RIC3: variants seen among roughly 807,000 people sequenced by gnomAD.
The protein encoded by RIC3 is RIC3 acetylcholine receptor chaperone, also known as protein RIC-3.
In RIC3, 28 loss-of-function variants were observed where a neutral mutation model predicts 27.3. The ratio of observed to expected loss-of-function variants is 1.02; its 90% CI spans 0.76 to 1.41. The LOEUF (loss-of-function observed/expected upper bound fraction) is 1.41. Ranked by LOEUF, RIC3 falls within the 40% of genes most tolerant of loss-of-function variation. RIC3 has a pLI of 0.00. For missense variants in RIC3, 501 were observed against 444.7 expected, an observed-to-expected ratio of 1.13 and a Z score of -1.14; for synonymous variants, 184 against 160.4, an observed-to-expected ratio of 1.15 and a Z score of -1.11.
the RIC3 span, among the ~76,000 whole-genome samples, chr11:8,098,213 G>A: frequency 3.9e-5 from 6 of 152,072 alleles, no homozygotes; most frequent in Non-Finnish European, 8.8e-5. Flanking sequence ...GGGGTGGGGG[G>A]CAGTGGTGAA....
chr11:8,094,037 C>G, the RIC3 span: 1 of 1,614,134 alleles, frequency 6.2e-7, no homozygotes. Flanking sequence ...GGGGATGTTT[C>G]CTGAGCAGTT....
downstream of RIC3, chr11:8,104,399 G>T (rs1338843011): frequency 3.3e-5 from 5 of 152,232 alleles, no homozygotes; most frequent in Admixed American, 6.5e-5. Flanking sequence ...TTTCCTTCTG[G>T]CTCCAAGGTG....
At chr11:8,121,714 T>A (rs1485867661) in intron 5 of RIC3, among the ~76,000 whole-genome samples, 1 of 151,420 alleles carries the variant, frequency 6.6e-6, no homozygotes, top group Non-Finnish European at 1.5e-5. Context: ...AGCAAGCCTC[T>A]GTCTCAAAAA....
chr11:8,147,511 A>G, intron 1 of RIC3, among the ~76,000 whole-genome samples: 1 of 152,172 alleles, frequency 6.6e-6, no homozygotes, highest in East Asian at 1.9e-4. Context: ...TTCCCACAAG[A>G]GACAACCTTG....
chr11:8,131,539 C>T (rs1174014301), intron 4 of RIC3, among the ~76,000 whole-genome samples: 1 of 151,978 alleles, frequency 6.6e-6, no homozygotes, highest in Non-Finnish European at 1.5e-5. Flanking sequence ...ATATAGAGGT[C>T]AGGAAATGAA....
intron 4 of RIC3, 38 bp from the exon 5 acceptor site, chr11:8,126,845 A>T: frequency 6.2e-7 from 1 of 1,612,658 alleles, no homozygotes; most frequent in Non-Finnish European, 8.5e-7. Flanking sequence ...TTAGTGGTAA[A>T]TACTCCTAGG....
chr11:8,164,811 A>C (rs1251783724), intron 1 of RIC3, among the ~76,000 whole-genome samples: 1 of 148,902 alleles, frequency 6.7e-6, no homozygotes, highest in African/African-American at 2.5e-5. Flanking sequence ...AAAAAAAGAC[A>C]AGTAATCTGA....
At chr11:8,141,870 T>A (rs931938512) in intron 1 of RIC3, among the ~76,000 whole-genome samples, 26 of 151,780 alleles carry the variant, frequency 1.7e-4, no homozygotes, top group Admixed American at 1.6e-3. Context: ...GGATTAAGAA[T>A]CTCACTCAAA....
rs540151446 is a variant in RIC3, at chr11:8,163,078, C to T, written c.124+5788G>A. 2.6e-5 allele frequency among the ~76,000 whole-genome samples: 4 copies of T among 150,998 alleles called. No homozygotes were observed. The East Asian group carries it at 7.8e-4, about 29-fold the overall frequency. On this transcript the variant is annotated intron_variant, in intron 1 of 5. Coordinates refer to ENST00000309737, the MANE Select transcript of RIC3 (RefSeq NM_001206671.4). The stretch of plus-strand genomic sequence containing the variant: ...ACACACACACACACACCCCCCAAAA[C>T]ACTTTAAGAACTGCCTCCTCAATTT...
At chr11:8,099,054 T>C in the RIC3 span, among the ~76,000 whole-genome samples, 20,475 of 151,986 alleles carry the variant, frequency 0.13, 1,539 homozygotes, top group African/African-American at 0.18. Flanking sequence ...TCCTCCTGAC[T>C]TCAGAGCTCA....
chr11:8,101,047 C>G, the RIC3 span: 7 of 1,605,118 alleles, frequency 4.4e-6, 1 homozygote, highest in South Asian at 5.6e-5. Context: ...ACCCAAGGCC[C>G]TTAGCGTAGG....
downstream of RIC3, among the ~76,000 whole-genome samples, chr11:8,101,176 C>G (rs1944283505): frequency 6.6e-6 from 1 of 152,168 alleles, no homozygotes; most frequent in Non-Finnish European, 1.5e-5. Flanking sequence ...GAAGAACCTT[C>G]TTTGCAGCCC....
intron 4 of RIC3, among the ~76,000 whole-genome samples, chr11:8,131,572 C>G (rs1222553985): frequency 4.6e-5 from 7 of 152,046 alleles, no homozygotes; most frequent in Non-Finnish European, 1.0e-4. Context: ...TCATGATTTC[C>G]TCTTCTACCA....
In RIC3 at chr11:8,168,827, C is replaced by G. The variant is rs754585213; in HGVS notation, c.124+39G>C. ...CTCAAGCAGCGTTCTCCGTACTCTT[C>G]GGCGCCGGGAAGCTCAGAGGGAGCT... On this transcript the variant is annotated intron_variant, in intron 1 of 5. Coordinates refer to ENST00000309737, the MANE Select transcript of RIC3 (RefSeq NM_001206671.4). The G allele has an allele frequency of 3.8e-6, 6 of 1,594,572 alleles. No homozygotes were observed. The Admixed American group carries it at 1.0e-4, about 28-fold the overall frequency.
chr11:8,141,288 T>C (rs1307404351), intron 1 of RIC3, among the ~76,000 whole-genome samples: 2 of 151,704 alleles, frequency 1.3e-5, no homozygotes, highest in African/African-American at 2.4e-5. Flanking sequence ...GAAACCCATC[T>C]CACGTGCAGA....
intron 1 of RIC3, among the ~76,000 whole-genome samples, chr11:8,166,982 T>C (rs1951750147): frequency 1.3e-5 from 2 of 152,158 alleles, no homozygotes; most frequent in African/African-American, 4.8e-5. Context: ...ATAGCTTTTA[T>C]AAGATTCTCA....
At chr11:8,140,453 T>G (rs762783648) in intron 1 of RIC3, among the ~76,000 whole-genome samples, 8 of 152,210 alleles carry the variant, frequency 5.3e-5, no homozygotes, top group Non-Finnish European at 1.2e-4. Flanking sequence ...CAGTTAAATG[T>G]GGCCATATAA....
intron 5 of RIC3, among the ~76,000 whole-genome samples, chr11:8,123,653 T>C (rs897887442): frequency 6.6e-6 from 1 of 152,034 alleles, no homozygotes; most frequent in African/African-American, 2.4e-5. Flanking sequence ...CCTTGAAAGA[T>C]ACAAACTATC....
chr11:8,100,899 C>T, the RIC3 span: 1 of 1,614,182 alleles, frequency 6.2e-7, no homozygotes, highest in Non-Finnish European at 8.5e-7. Flanking sequence ...AACAAGACAC[C>T]TGTCTGGAAT....
Sources: allele counts gnomAD v4.1 joint callset (sites outside exome capture counted in the v4.1 genomes callset), GRCh38; gene constraint gnomAD v4.1.1; transcripts MANE v1.5; gene names NCBI Gene and HGNC (gene_info 2026-07-23, HGNC 2026-07-21).